CNTNAP5: variants seen among roughly 807,000 people sequenced by gnomAD.
CNTNAP5 encodes the protein contactin-associated protein-like 5.
CNTNAP5 carries 72 observed loss-of-function variants against 150.2 expected under a neutral mutation model. The ratio of observed to expected loss-of-function variants is 0.48; its 90% CI spans 0.40 to 0.58. CNTNAP5 has a LOEUF of 0.58. Among genes scored for constraint, CNTNAP5 ranks in the 20% least tolerant of loss-of-function variants. CNTNAP5 has a pLI of 0.00. For missense variants in CNTNAP5, 1,636 were observed against 1,626.2 expected (o/e 1.01, Z -0.10); for synonymous variants, 672 against 619.8 (o/e 1.08, Z -1.25).
chr2:124,845,244 A>G (rs1462144581), intron 19 of CNTNAP5, among the ~76,000 whole-genome samples: 1 of 151,442 alleles, frequency 6.6e-6, no homozygotes, highest in African/African-American at 2.4e-5. Flanking sequence ...TCATCATGTG[A>G]TTTTTGTTTT....
chr2:124,363,546 A>G (rs1690277590), intron 3 of CNTNAP5, among the ~76,000 whole-genome samples: 1 of 152,176 alleles, frequency 6.6e-6, no homozygotes, highest in African/African-American at 2.4e-5. Context: ...ATATCTCACA[A>G]TAATTTATCA....
At chr2:124,688,128 C>A (rs958461510) in intron 13 of CNTNAP5, among the ~76,000 whole-genome samples, 10 of 151,996 alleles carry the variant, frequency 6.6e-5, no homozygotes, top group African/African-American at 2.2e-4. Flanking sequence ...TTCTCTACTG[C>A]AAATTTCATA....
At chr2:124,484,035 T>C (rs560636193) in intron 7 of CNTNAP5, among the ~76,000 whole-genome samples, 3 of 152,336 alleles carry the variant, frequency 2.0e-5, no homozygotes, top group African/African-American at 7.2e-5. Flanking sequence ...ACTTCCTTTC[T>C]TTCACCACAA....
intron 16 of CNTNAP5, 88 bp downstream of exon 16, chr2:124,764,235 G>T (rs1681021145): frequency 1.0e-5 from 10 of 987,820 alleles, no homozygotes; most frequent in Non-Finnish European, 1.6e-5. Context: ...GTGGGCATTT[G>T]TACCAGCAAA....
At chr2:124,580,124 A>G (rs1392639610) in intron 11 of CNTNAP5, among the ~76,000 whole-genome samples, 1 of 152,214 alleles carries the variant, frequency 6.6e-6, no homozygotes, top group African/African-American at 2.4e-5. Flanking sequence ...CTATTCTGCT[A>G]TTTCCCAGTG....
At chr2:124,173,205 T>A (rs1012921580) in intron 1 of CNTNAP5, among the ~76,000 whole-genome samples, 12 of 152,276 alleles carry the variant, frequency 7.9e-5, no homozygotes, top group African/African-American at 1.4e-4. Context: ...TCCCTCTCCT[T>A]GGGCCTCCTT....
At chr2:124,896,278 C>A (rs1394606003) in intron 21 of CNTNAP5, among the ~76,000 whole-genome samples, 2 of 151,456 alleles carry the variant, frequency 1.3e-5, no homozygotes, top group African/African-American at 4.9e-5. Flanking sequence ...TGCATGCACA[C>A]ACACACACAC....
At chr2:124,738,355 C>T (rs1257260980) in intron 13 of CNTNAP5, among the ~76,000 whole-genome samples, 1 of 152,114 alleles carries the variant, frequency 6.6e-6, no homozygotes, top group African/African-American at 2.4e-5. Context: ...TTATCAGTTC[C>T]TAAAGATTTA....
intron 13 of CNTNAP5, among the ~76,000 whole-genome samples, chr2:124,713,432 C>T (rs1179496579): frequency 6.7e-6 from 1 of 149,248 alleles, no homozygotes; most frequent in Admixed American, 6.8e-5. Flanking sequence ...GGCTACAGTG[C>T]AGTGATGCCA....
At chr2:124,282,849 T>A (rs2104624917) in intron 3 of CNTNAP5, among the ~76,000 whole-genome samples, 1 of 152,260 alleles carries the variant, frequency 6.6e-6, no homozygotes, top group East Asian at 1.9e-4. Flanking sequence ...CTAGAGTCAA[T>A]ATTAGTTTCT....
At chr2:124,583,787 C>T (rs1205430963) in intron 11 of CNTNAP5, among the ~76,000 whole-genome samples, 1 of 152,154 alleles carries the variant, frequency 6.6e-6, no homozygotes, top group Non-Finnish European at 1.5e-5. Context: ...GCTCCACCTT[C>T]CTCTGGATCC....
chr2:124,413,208 G>A (rs1392224780), intron 3 of CNTNAP5, among the ~76,000 whole-genome samples: 2,643 of 121,960 alleles, frequency 0.022, 18 homozygotes, highest in Middle Eastern at 0.04. Context: ...TTAGAATGGC[G>A]TTCATTAAAA....
intron 13 of CNTNAP5, among the ~76,000 whole-genome samples, chr2:124,700,143 C>G (rs1000215292): frequency 3.9e-5 from 6 of 152,128 alleles, no homozygotes; most frequent in African/African-American, 1.4e-4. Context: ...TGGCTTCTTC[C>G]ACTTAATAGA....
intron 5 of CNTNAP5, among the ~76,000 whole-genome samples, chr2:124,439,742 G>A (rs12053037): frequency 2.6e-5 from 4 of 152,062 alleles, no homozygotes; most frequent in South Asian, 2.1e-4. Context: ...ATAGCTTTGC[G>A]TATTGCCCAA....
chr2:124,423,324 A>AT (rs909007945), intron 4 of CNTNAP5, among the ~76,000 whole-genome samples: 31 of 151,684 alleles, frequency 2.0e-4, no homozygotes, highest in African/African-American at 2.7e-4. Flanking sequence ...ACTTCCCTAT[A>AT]TTTTTTTTTC....
chr2:124,216,495 C>T (rs1005025972), intron 1 of CNTNAP5, among the ~76,000 whole-genome samples: 9 of 151,914 alleles, frequency 5.9e-5, no homozygotes, highest in African/African-American at 1.7e-4. Context: ...CCCATTAACT[C>T]GTCATTTAGC....
intron 10 of CNTNAP5, among the ~76,000 whole-genome samples, chr2:124,550,135 G>A (rs1229894523): frequency 6.6e-6 from 1 of 152,132 alleles, no homozygotes; most frequent in Non-Finnish European, 1.5e-5. Context: ...GTTAAAACCT[G>A]ATTCATGACA....
At chr2:124,252,675 C>G (rs891803631) in intron 3 of CNTNAP5, among the ~76,000 whole-genome samples, 2 of 152,084 alleles carry the variant, frequency 1.3e-5, no homozygotes, top group Non-Finnish European at 2.9e-5. Context: ...AATTAAATGA[C>G]AACTCAATGA....
intron 7 of CNTNAP5, among the ~76,000 whole-genome samples, chr2:124,481,345 A>G (rs1693758979): frequency 1.3e-5 from 2 of 152,224 alleles, no homozygotes; most frequent in South Asian, 4.1e-4. Context: ...CATTCAAACT[A>G]TAGCAGTCAG....
Sources: gnomAD v4.1 joint callset for allele counts (sites outside exome capture counted in the v4.1 genomes callset) on GRCh38, gnomAD v4.1.1 for gene constraint, MANE v1.5 for transcripts, NCBI Gene and HGNC (gene_info 2026-07-23, HGNC 2026-07-21) for gene names.